DPY19L2: variants seen among roughly 807,000 people sequenced by gnomAD.
The protein encoded by DPY19L2 is dpy-19 like 2, also known as probable C-mannosyltransferase DPY19L2.
In DPY19L2, 34 loss-of-function variants were observed where a neutral mutation model predicts 97.9. The ratio of observed to expected loss-of-function variants is 0.35; its 90% confidence interval spans 0.26 to 0.46. The LOEUF is 0.46. Ranked by LOEUF, DPY19L2 falls within the 20% of genes least tolerant of loss-of-function variation. DPY19L2 has a pLI of 1.00. For missense variants in DPY19L2, 623 were observed against 911.4 expected (o/e 0.68, Z 4.07); for synonymous variants, 230 against 307.9 (o/e 0.75, Z 2.65).
intron 4 of DPY19L2, among the ~76,000 whole-genome samples, chr12:63,657,118 A>T (rs1358861581): frequency 6.6e-6 from 1 of 152,148 alleles, no homozygotes; most frequent in Non-Finnish European, 1.5e-5. Flanking sequence ...AAGACAGTAG[A>T]CATAGAGGTC....
At chr12:63,591,423 T>C (rs1051869531) in intron 16 of DPY19L2, among the ~76,000 whole-genome samples, 2 of 152,292 alleles carry the variant, frequency 1.3e-5, no homozygotes, top group Admixed American at 6.5e-5. Flanking sequence ...GGATACAATA[T>C]ACCCATATAA....
intron 14 of DPY19L2, 72 bp downstream of exon 14, chr12:63,597,737 G>T: frequency 7.2e-7 from 1 of 1,386,858 alleles, no homozygotes; most frequent in South Asian, 1.3e-5. Context: ...CAAAAATTTT[G>T]AGTTTCAGAT....
At chr12:63,577,079 A>G (rs1331842327) in intron 19 of DPY19L2, among the ~76,000 whole-genome samples, 1 of 152,098 alleles carries the variant, frequency 6.6e-6, no homozygotes, top group Non-Finnish European at 1.5e-5. Flanking sequence ...ACTGCCATAA[A>G]AACAGACACA....
chr12:63,589,306 T>C (rs1249624476), intron 16 of DPY19L2, among the ~76,000 whole-genome samples: 1 of 106,672 alleles, frequency 9.4e-6, no homozygotes, highest in Non-Finnish European at 1.8e-5. Flanking sequence ...ATGGAAAAAC[T>C]ATCAGAACCA....
In DPY19L2 at chr12:63,580,835, A is replaced by T. The variant is rs1293624581; in HGVS notation, c.1727T>A (p.Leu576His). ...AACTCTGCGAAAAAGCCAGCCAAAG[A>T]GCTGAAACGAAAGAAACCGTTTATT... ...VMASLICSRQ[L>H]FGWLFRRVRF... is the part of the protein sequence containing the mutation. Residue 576 changes from leucine to histidine, a missense_variant and splice_region_variant, in exon 19 of 22, where the codon CTC becomes CAC. By Grantham distance (99) the Leu-to-His change is moderately conservative. Coordinates refer to ENST00000324472, the MANE Select transcript of DPY19L2 (RefSeq NM_173812.5). 2 of 1,610,852 alleles carry T rather than the reference A, an allele frequency of 1.2e-6. No individual in the cohort carries two copies. The highest frequency in any genetic ancestry group is 1.1e-5 in the South Asian group (1 of 90,420).
intron 12 of DPY19L2, among the ~76,000 whole-genome samples, chr12:63,608,310 G>A (rs1487614014): frequency 6.6e-6 from 1 of 152,114 alleles, no homozygotes; most frequent in Non-Finnish European, 1.5e-5. Context: ...AAGCTAGAGA[G>A]AGAAACTCAA....
chr12:63,620,696 G>T (rs569574277), intron 9 of DPY19L2, among the ~76,000 whole-genome samples: 2 of 151,976 alleles, frequency 1.3e-5, no homozygotes, highest in African/African-American at 2.4e-5. Flanking sequence ...TACATCTTGC[G>T]TTCAACTTAA....
chr12:63,655,001 A>C (rs1456846537), intron 4 of DPY19L2, among the ~76,000 whole-genome samples: 2 of 152,164 alleles, frequency 1.3e-5, no homozygotes, highest in Admixed American at 6.5e-5. Flanking sequence ...AAACTCAACA[A>C]CACTATGCAA....
chr12:63,656,114 T>A (rs1375196241), intron 4 of DPY19L2, among the ~76,000 whole-genome samples: 1 of 152,186 alleles, frequency 6.6e-6, no homozygotes, highest in Non-Finnish European at 1.5e-5. Flanking sequence ...GTCTGGCTTT[T>A]GTTGTTGTTG....
chr12:63,632,983 A>T (rs1890981809), intron 6 of DPY19L2, among the ~76,000 whole-genome samples: 1 of 152,156 alleles, frequency 6.6e-6, no homozygotes. Flanking sequence ...CCTATTTAAT[A>T]AATGATGCTC....
chr12:63,646,504 A>G (rs1893428945), intron 5 of DPY19L2, among the ~76,000 whole-genome samples: 1 of 152,186 alleles, frequency 6.6e-6, no homozygotes, highest in Non-Finnish European at 1.5e-5. Flanking sequence ...GTTACAAACA[A>G]GTCTAAAAAT....
chr12:63,615,028 T>A (rs1887621512), intron 11 of DPY19L2, among the ~76,000 whole-genome samples: 1 of 152,142 alleles, frequency 6.6e-6, no homozygotes, highest in Non-Finnish European at 1.5e-5. Flanking sequence ...ATGACACAAG[T>A]ATGCTATCAG....
intron 20 of DPY19L2, among the ~76,000 whole-genome samples, chr12:63,570,462 GT>G (rs1380158248): frequency 6.6e-6 from 1 of 152,004 alleles, no homozygotes. Context: ...CTACCTAGTA[GT>G]TTTACTGGAA....
Position 63,624,102 on chromosome 12 carries a change from G to A in DPY19L2, c.891C>T (p.Leu297=), listed in dbSNP as rs1889140927. The change falls in exon 8 of 22, where the codon CTC becomes CTT. Residue 297 remains leucine (L), a synonymous_variant. Coordinates refer to ENST00000324472, the MANE Select transcript of DPY19L2 (RefSeq NM_173812.5). ...EATRVMWTPP[L]RESFSYPFLV... ...GGAAAGGATAGGAAAAACTTTCACGGAGAGGTGGTGTCCACATCACACGGG... is the reference window on the plus strand; with the variant it reads ...GGAAAGGATAGGAAAAACTTTCACGAAGAGGTGGTGTCCACATCACACGGG... 3 of 1,611,646 alleles carry A rather than the reference G, an allele frequency of 1.9e-6. No homozygotes were observed. In the East Asian group the frequency reaches 6.7e-5, roughly 36 times the overall value.
chr12:63,577,363 A>T (rs2137332514), intron 19 of DPY19L2, among the ~76,000 whole-genome samples: 1 of 152,204 alleles, frequency 6.6e-6, no homozygotes. Context: ...ACTCTCCAGG[A>T]CTTTGGTTTG....
At chr12:63,665,677 T>C (rs1417004242) in intron 2 of DPY19L2, among the ~76,000 whole-genome samples, 158 bp downstream of exon 2, 2 of 152,120 alleles carry the variant, frequency 1.3e-5, no homozygotes, top group Non-Finnish European at 2.9e-5. Context: ...CTGTTTCACA[T>C]ATGAGGTTTG....
intron 7 of DPY19L2, among the ~76,000 whole-genome samples, chr12:63,624,498 T>C (rs1889206659): frequency 1.3e-5 from 2 of 152,054 alleles, no homozygotes. Context: ...TTGGGATATA[T>C]GCATGCCAAG....
At position 63,594,126 on chromosome 12, in the gene DPY19L2, C is replaced by T. The variant is rs760526902; in HGVS notation, c.1541G>A (p.Arg514His). The T allele has an allele frequency of 1.3e-5, 20 of 1,542,038 alleles. No individual in the cohort carries two copies. Among genetic ancestry groups the T allele is most frequent in the South Asian group, 3.5e-5 (3 of 85,154 alleles). The change falls in exon 16 of 22, where the codon CGT becomes CAT. Residue 514 changes from arginine (R) to histidine (H), a missense_variant. Arg to His is a conservative substitution (Grantham distance 29). Transcript: ENST00000324472. ...ITCFIFKKTVRDISYVLATNI... is the reference protein window; with the variant it reads ...ITCFIFKKTVHDISYVLATNI... ...TGTAGCTAAAACATATGAAATATCACGAACAGTCTGTGAATAGAATCAAAT... is the reference window on the plus strand; with the variant it reads ...TGTAGCTAAAACATATGAAATATCATGAACAGTCTGTGAATAGAATCAAAT...
chr12:63,574,801 A>C (rs1478834406), intron 19 of DPY19L2, among the ~76,000 whole-genome samples: 2 of 152,060 alleles, frequency 1.3e-5, no homozygotes, highest in Admixed American at 1.3e-4. Context: ...GAGCACCCGG[A>C]TATATAAAGC....
Sources: allele counts gnomAD v4.1 joint callset (sites outside exome capture counted in the v4.1 genomes callset), GRCh38; gene constraint gnomAD v4.1.1; transcripts MANE v1.5; gene names NCBI Gene and HGNC (gene_info 2026-07-23, HGNC 2026-07-21).